The following RAD51B variants were observed in gnomAD, a reference collection of about 807,000 sequenced individuals.
RAD51B encodes DNA repair protein RAD51 homolog 2.
A neutral mutation model predicts 42.2 loss-of-function variants in RAD51B; 38 were observed. The ratio of observed to expected loss-of-function variants is 0.90; its 90% CI spans 0.70 to 1.18. The LOEUF (loss-of-function observed/expected upper bound fraction) is 1.18. Ranked by LOEUF, RAD51B falls within the 50% of genes most tolerant of loss-of-function variation. The pLI, the probability that RAD51B is intolerant of heterozygous loss-of-function variation, is 0.00. For missense variants in RAD51B, 373 were observed against 400.7 expected (o/e 0.93, Z 0.59); for synonymous variants, 154 against 145.2 (o/e 1.06, Z -0.43).
At chr14:68,305,983 G>A (rs1456825951) in intron 8 of RAD51B, among the ~76,000 whole-genome samples, 4 of 152,104 alleles carry the variant, frequency 2.6e-5, no homozygotes, top group African/African-American at 7.2e-5. Flanking sequence ...ACAAACAATC[G>A]AGCACATCCT....
At chr14:68,178,125 T>C (rs1325884941) in intron 7 of RAD51B, among the ~76,000 whole-genome samples, 2 of 152,118 alleles carry the variant, frequency 1.3e-5, no homozygotes, top group Admixed American at 6.6e-5. Flanking sequence ...ACAGCAAGTA[T>C]AAACTGAAAC....
chr14:68,249,098 T>C (rs780008779), intron 7 of RAD51B, among the ~76,000 whole-genome samples: 1 of 152,254 alleles, frequency 6.6e-6, no homozygotes, highest in Non-Finnish European at 1.5e-5. Flanking sequence ...AGTCTGATCC[T>C]GGTTCAGCTC....
chr14:68,610,740 G>A (rs17106012), intron 10 of RAD51B, among the ~76,000 whole-genome samples: 18,021 of 151,814 alleles, frequency 0.12, 1,216 homozygotes, highest in East Asian at 0.21. Context: ...TTATTCAATC[G>A]TACTCAAGGC....
intron 7 of RAD51B, among the ~76,000 whole-genome samples, chr14:68,148,124 T>C (rs912665912): frequency 6.6e-6 from 1 of 152,218 alleles, no homozygotes; most frequent in African/African-American, 2.4e-5. Flanking sequence ...CCAATTTATT[T>C]TGAGATTCAT....
chr14:68,638,641 G>A (rs929847595), intron 10 of RAD51B, among the ~76,000 whole-genome samples: 2 of 151,836 alleles, frequency 1.3e-5, no homozygotes, highest in East Asian at 1.9e-4. Flanking sequence ...TGGCCCAGTC[G>A]GGGACAAGTA....
intron 7 of RAD51B, among the ~76,000 whole-genome samples, chr14:68,186,616 A>G (rs142616709): frequency 7.2e-5 from 11 of 152,266 alleles, no homozygotes; most frequent in Middle Eastern, 3.4e-3. Context: ...ATGAAAAAAT[A>G]CTTATTATCA....
At chr14:68,190,438 T>C (rs1037805757) in intron 7 of RAD51B, among the ~76,000 whole-genome samples, 1 of 152,150 alleles carries the variant, frequency 6.6e-6, no homozygotes, top group Non-Finnish European at 1.5e-5. Context: ...GTTTTAAATG[T>C]ATAGAAAAAC....
intron 7 of RAD51B, among the ~76,000 whole-genome samples, chr14:68,245,534 T>C (rs7161572): frequency 0.029 from 4,492 of 152,326 alleles, 228 homozygotes; most frequent in African/African-American, 0.1. Flanking sequence ...TGGTTCAAAT[T>C]ATGCAACATA....
chr14:68,382,357 A>G (rs988397037), intron 8 of RAD51B, among the ~76,000 whole-genome samples: 7 of 152,196 alleles, frequency 4.6e-5, no homozygotes, highest in Non-Finnish European at 8.8e-5. Flanking sequence ...TTGTCTCCGG[A>G]TGAGAATCAC....
chr14:68,343,119 CAAAT>C (rs1039446006), intron 8 of RAD51B, among the ~76,000 whole-genome samples: 1 of 106,898 alleles, frequency 9.4e-6, no homozygotes, highest in Admixed American at 1.0e-4. Flanking sequence ...TCCATCGCTC[CAAAT>C]ACTTACCAGT....
chr14:68,352,937 G>C (rs761779480), intron 8 of RAD51B, among the ~76,000 whole-genome samples: 23 of 152,298 alleles, frequency 1.5e-4, no homozygotes, highest in Non-Finnish European at 3.4e-4. Context: ...GGAAAAGTGA[G>C]GCTGGTACTA....
intron 5 of RAD51B, among the ~76,000 whole-genome samples, chr14:67,873,565 TG>T (rs1386516559): frequency 7.2e-5 from 11 of 151,934 alleles, no homozygotes; most frequent in African/African-American, 2.7e-4. Flanking sequence ...AAATACCATT[TG>T]ACCCAGCCAT....
chr14:67,856,110 T>C (rs1232140809), intron 4 of RAD51B, among the ~76,000 whole-genome samples: 2 of 152,242 alleles, frequency 1.3e-5, no homozygotes, highest in African/African-American at 4.8e-5. Context: ...TGTTTGATTT[T>C]TGTTAATGGT....
chr14:68,336,894 T>G (rs1177187138), intron 8 of RAD51B, among the ~76,000 whole-genome samples: 1 of 152,206 alleles, frequency 6.6e-6, no homozygotes, highest in African/African-American at 2.4e-5. Context: ...AAAAGATGCA[T>G]TTATATAAGG....
At position 68,230,496 on chromosome 14, in the gene RAD51B, G is replaced by A. The variant is rs139189166; in HGVS notation, c.757-61388G>A. Among the ~76,000 whole-genome samples the A allele has an allele frequency of 2.6e-5, 4 of 152,274 alleles. No individual in the cohort carries two copies. The East Asian group carries it at 7.7e-4, about 29-fold the overall frequency. On this transcript the variant is annotated intron_variant, in intron 7 of 10. Coordinates refer to ENST00000471583, the MANE Select transcript of RAD51B (RefSeq NM_133510.4). ...ATAAGCCTACCTCTTAGCCAGGGAA[G>A]GCCCTGTACCTTAGATGACAGTCCT... is the stretch of plus-strand genomic sequence containing the variant.
intron 7 of RAD51B, among the ~76,000 whole-genome samples, chr14:68,066,363 T>C (rs1040971451): frequency 3.3e-5 from 5 of 152,186 alleles, no homozygotes; most frequent in African/African-American, 1.2e-4. Flanking sequence ...ATTTTCTGTT[T>C]TAAAATTTTT....
At chr14:68,352,270 G>C (rs143708770) in intron 8 of RAD51B, among the ~76,000 whole-genome samples, 5 of 152,348 alleles carry the variant, frequency 3.3e-5, no homozygotes, top group African/African-American at 1.2e-4. Flanking sequence ...TTGTGGTGCT[G>C]TATTTCTGTA....
intron 7 of RAD51B, among the ~76,000 whole-genome samples, chr14:67,950,568 T>A (rs992615880): frequency 2.6e-5 from 4 of 152,226 alleles, no homozygotes; most frequent in African/African-American, 9.6e-5. Context: ...CTGTTTTGCT[T>A]TGTTAGCATT....
At chr14:68,514,586 T>C (rs1885996405) in intron 10 of RAD51B, among the ~76,000 whole-genome samples, 1 of 152,092 alleles carries the variant, frequency 6.6e-6, no homozygotes. Context: ...GCAGCCCTTC[T>C]AGTATCTCAG....
Sources: allele counts gnomAD v4.1 joint callset (sites outside exome capture counted in the v4.1 genomes callset), GRCh38; gene constraint gnomAD v4.1.1; transcripts MANE v1.5; gene names NCBI Gene and HGNC (gene_info 2026-07-23, HGNC 2026-07-21).